PTPRB: variants seen among roughly 807,000 people sequenced by gnomAD.
PTPRB encodes receptor-type tyrosine-protein phosphatase beta.
In PTPRB, 97 loss-of-function variants were observed where a neutral mutation model predicts 238.1. The observed-to-expected ratio is 0.41, with a 90% CI of 0.35 to 0.48. The LOEUF (loss-of-function observed/expected upper bound fraction) is 0.48. Among genes scored for constraint, PTPRB ranks in the 20% least tolerant of loss-of-function variants. The pLI is 0.30. For synonymous variants in PTPRB, 970 were observed against 995.4 expected, an observed-to-expected ratio of 0.97 and a Z score of 0.48; for missense variants, 2,292 against 2,681.9, an observed-to-expected ratio of 0.85 and a Z score of 3.21.
At position 70,595,836 on chromosome 12, in the gene PTPRB, T is replaced by C. The variant is rs1882961919; in HGVS notation, c.1258+213A>G. ...AATTCCACAGAAGTCCCATGACTTC[T>C]TCAAAACCACTCAACAAGTTACCAG... On this transcript the variant is annotated intron_variant, in intron 5 of 33. Coordinates refer to ENST00000334414, the MANE Select transcript of PTPRB (RefSeq NM_001109754.4). Among the ~76,000 whole-genome samples the C allele has an allele frequency of 2.0e-5, 3 of 152,192 alleles. No homozygotes were observed. In the South Asian group the frequency reaches 6.2e-4, roughly 32 times the overall value.
chr12:70,555,453 C>A (rs1877514282), intron 19 of PTPRB, 144 bp from the exon 20 acceptor site: 1 of 796,180 alleles, frequency 1.3e-6, no homozygotes. Flanking sequence ...ATGCTGTAAT[C>A]AAGAAACTCT....
At chr12:70,604,561 C>T (rs143508537) in intron 4 of PTPRB, among the ~76,000 whole-genome samples, 159 of 152,238 alleles carry the variant, frequency 1.0e-3, no homozygotes, top group Middle Eastern at 3.4e-3. Flanking sequence ...CAAGATATTT[C>T]GATGCAGGTA....
intron 2 of PTPRB, among the ~76,000 whole-genome samples, chr12:70,631,568 A>C (rs1460555637): frequency 4.6e-5 from 7 of 152,360 alleles, no homozygotes; most frequent in Admixed American, 3.9e-4. Flanking sequence ...CAAAAGCCAA[A>C]ATAGACAAAT....
chr12:70,538,842 C>A (rs1186737883), intron 27 of PTPRB, 82 bp downstream of exon 27: 19 of 1,127,098 alleles, frequency 1.7e-5, no homozygotes, highest in Non-Finnish European at 2.5e-5. Context: ...TATTATATTT[C>A]TTTAGCCTCA....
chr12:70,546,411 C>A (rs558164019), intron 21 of PTPRB, among the ~76,000 whole-genome samples: 44 of 152,214 alleles, frequency 2.9e-4, no homozygotes, highest in Non-Finnish European at 4.4e-4. Context: ...AGCCTGTGAT[C>A]CCTATCATAG....
At chr12:70,592,888 G>A (rs921181523) in intron 6 of PTPRB, among the ~76,000 whole-genome samples, 50 of 152,134 alleles carry the variant, frequency 3.3e-4, no homozygotes, top group African/African-American at 1.1e-3. Context: ...GCCTTATGGT[G>A]TTTCTTATTG....
chr12:70,546,503 A>G (rs1470897659), intron 21 of PTPRB, among the ~76,000 whole-genome samples: 1 of 152,210 alleles, frequency 6.6e-6, no homozygotes, highest in Non-Finnish European at 1.5e-5. Flanking sequence ...TTTAGGATGA[A>G]TTAGAGATCA....
At position 70,618,330 on chromosome 12, in the gene PTPRB, G is replaced by C. The variant is rs191803474; in HGVS notation, c.708+4060C>G. On this transcript the variant is annotated intron_variant, in intron 3 of 33. Coordinates refer to ENST00000334414, the MANE Select transcript of PTPRB (RefSeq NM_001109754.4). Reference sequence around the variant, plus strand: ...TTGCCCTGTTGCCCAGGCTGGTCTCGAACTCCTGGGCTTGAGTGATCTGCT... The same window carrying C: ...TTGCCCTGTTGCCCAGGCTGGTCTCCAACTCCTGGGCTTGAGTGATCTGCT... Among the ~76,000 whole-genome samples, 133 of 152,158 alleles carry C rather than the reference G, an allele frequency of 8.7e-4. 1 individual carries two copies. Among genetic ancestry groups the C allele is most frequent in the African/African-American group, 2.9e-3 (122 of 41,522 alleles).
Position 70,581,145 on chromosome 12 carries a change from G to A in PTPRB, c.2469C>T (p.Thr823=), listed in dbSNP as rs1232164145. 10 of 1,613,834 alleles carry A rather than the reference G, an allele frequency of 6.2e-6. No homozygotes were observed. In the East Asian group the frequency reaches 1.8e-4, roughly 29 times the overall value. ...VIKNESISSE[T]SRYSFHSLKS... Reference sequence around the variant, plus strand: ...TGAGAGAGTGGAAGCTGTATCTGCTGGTCTCACTGGAGATGCTTTCATTTT... The same window carrying A: ...TGAGAGAGTGGAAGCTGTATCTGCTAGTCTCACTGGAGATGCTTTCATTTT... The change falls in exon 10 of 34, where the codon ACC becomes ACT. Residue 823 remains threonine (T), a synonymous_variant. Transcript: ENST00000334414.
chr12:70,628,242 G>A lies in PTPRB; in HGVS notation c.452-5596C>T, dbSNP rs747779681. Among the ~76,000 whole-genome samples, 36 of 152,226 alleles carry A rather than the reference G, an allele frequency of 2.4e-4. 1 individual carries two copies. The highest frequency in any genetic ancestry group is 6.5e-4 in the Admixed American group (10 of 15,270). On this transcript the variant is annotated intron_variant, in intron 2 of 33. Coordinates refer to ENST00000334414, the MANE Select transcript of PTPRB (RefSeq NM_001109754.4). ...AGATTTGAATGAATGAATCTGAATT[G>A]AGTGGTAAATAAATGAATAAATGCT...
chr12:70,575,859 A>C (rs11615195), intron 11 of PTPRB, among the ~76,000 whole-genome samples: 31,276 of 152,066 alleles, frequency 0.21, 3,414 homozygotes, highest in African/African-American at 0.24. Context: ...TCACATTTTC[A>C]CCTTGTGTGA....
chr12:70,536,004 C>T (rs779714075), intron 29 of PTPRB, 21 bp downstream of exon 29: 1 of 1,609,550 alleles, frequency 6.2e-7, no homozygotes, highest in Non-Finnish European at 8.5e-7. Context: ...AGCTTTGATG[C>T]CAGGAAGGCT....
At chr12:70,585,803 G>A (rs958675180) in intron 9 of PTPRB, among the ~76,000 whole-genome samples, 20 of 136,832 alleles carry the variant, frequency 1.5e-4, no homozygotes, top group African/African-American at 3.6e-4. Context: ...CCCGACCCCC[G>A]ACCCCACAAC....
Position 70,538,792 on chromosome 12 carries a change from T to C in PTPRB, c.5869+132A>G, listed in dbSNP as rs17226374. The C allele has an allele frequency of 0.17, 123,822 of 713,728 alleles. 12,553 individuals carry two copies. The highest frequency in any genetic ancestry group is 0.22 in the Non-Finnish European group (92,655 of 419,080). The allele number at this position is 713,728 out of a possible 1,614,324, so 44.2% of individuals were successfully genotyped here. On this transcript the variant is annotated intron_variant, in intron 27 of 33. Coordinates refer to ENST00000334414, the MANE Select transcript of PTPRB (RefSeq NM_001109754.4). ...GCAGGAATATACAAGCTATTTCTTA[T>C]TAAAGGCATTCAGAGCTTGAGATTG...
chr12:70,599,150 T>G (rs1883269533), intron 4 of PTPRB, among the ~76,000 whole-genome samples: 1 of 152,242 alleles, frequency 6.6e-6, no homozygotes, highest in Admixed American at 6.5e-5. Flanking sequence ...TTAAAAAGTT[T>G]TCAAAATTTT....
At chr12:70,535,072 C>A in intron 29 of PTPRB, 117 bp from the exon 30 acceptor site, 5 of 1,182,770 alleles carry the variant, frequency 4.2e-6, no homozygotes, top group Non-Finnish European at 5.9e-6. Flanking sequence ...GCTGCTAAAG[C>A]AATTTGACCA....
rs1435236680 is a variant in PTPRB at position 70,538,221 on chromosome 12, CG to C, written c.5879del (p.Thr1960SerfsTer3). On this transcript the variant is annotated frameshift_variant, in exon 28 of 34. Transcript: ENST00000334414. LOFTEE classifies it high-confidence loss of function. ...RYNNILPYDATRVKLSNVDDD... is the reference protein window; with the variant it reads ...RYNNILPYDAXRVKLSNVDDD... ...CATCTACATTGGAGAGCTTCACTCG[CG>C]TGGCATCATCTGGAAGGAGAGATTT... is the stretch of plus-strand genomic sequence containing the variant. 1.2e-6 allele frequency: 2 copies of C among 1,613,162 alleles called. No homozygotes were observed. The highest frequency in any genetic ancestry group is 3.3e-5 in the Admixed American group (2 of 59,864).
chr12:70,535,040 C>T lies in PTPRB; in HGVS notation c.6082-85G>A. On this transcript the variant is annotated intron_variant, in intron 29 of 33. Transcript: ENST00000334414. ...GGGTTTCCCTCCTCTAAATGTCTTC[C>T]AAAGTTAGGAATCTGGGATCAGCTG... The T allele has an allele frequency of 2.1e-6, 3 of 1,455,346 alleles. No individual in the cohort carries two copies. In the African/African-American group the frequency reaches 4.2e-5, roughly 21 times the overall value. 90.2% of individuals were successfully genotyped at this position (1,455,346 alleles called of 1,614,324 possible).
chr12:70,544,345 A>G (rs1262542285), intron 22 of PTPRB, among the ~76,000 whole-genome samples: 2 of 152,206 alleles, frequency 1.3e-5, no homozygotes, highest in East Asian at 3.8e-4. Context: ...AAAATACTGT[A>G]CTTCCACCTT....
Sources: allele counts gnomAD v4.1 joint callset (sites outside exome capture counted in the v4.1 genomes callset), GRCh38; gene constraint gnomAD v4.1.1; transcripts MANE v1.5; gene names NCBI Gene and HGNC (gene_info 2026-07-23, HGNC 2026-07-21).